Variants in SCTR observed in about 807,000 individuals in gnomAD.
SCTR encodes the protein secretin receptor, also known as pancreatic secretin receptor.
SCTR carries 56 observed loss-of-function variants against 60.8 expected under a neutral mutation model. That is an observed-to-expected ratio of 0.92 (90% CI 0.74 to 1.15). SCTR has a LOEUF of 1.15. Among genes scored for constraint, SCTR ranks in the 50% most tolerant of loss-of-function variants. The pLI, the probability that SCTR is intolerant of heterozygous loss-of-function variation, is 0.00. For missense variants in SCTR, 562 were observed against 550.4 expected (o/e 1.02, Z -0.21); for synonymous variants, 202 against 217.0 (o/e 0.93, Z 0.61).
intron 1 of SCTR, among the ~76,000 whole-genome samples, chr2:119,517,105 C>T (rs1456178671): frequency 6.6e-6 from 1 of 151,992 alleles, no homozygotes; most frequent in African/African-American, 2.4e-5. Context: ...TGTTAATTTG[C>T]TTGACTATAG....
At position 119,524,196 on chromosome 2, in the gene SCTR, G is replaced by A. The variant is rs1679378915; in HGVS notation, c.31C>T (p.Gln11Ter). The change falls in exon 1 of 13, where the codon CAG (glutamine) becomes TAG (stop). Residue 11 changes from glutamine (Q) to a stop codon, truncating the protein, a stop_gained. Coordinates refer to ENST00000019103, the MANE Select transcript of SCTR (RefSeq NM_002980.3). LOFTEE classifies it high-confidence loss of function. ...GCGAGCAGCACCGGCAGTAGTAGCTGCTGCAGCGGCGGCGACAGGTGGGGA... is the reference window on the plus strand; with the variant it reads ...GCGAGCAGCACCGGCAGTAGTAGCTACTGCAGCGGCGGCGACAGGTGGGGA... Reference protein sequence around the residue: MRPHLSPPLQQLLLPVLLACA... With the variant: MRPHLSPPLQ The A allele has an allele frequency of 6.6e-7, 1 of 1,522,050 alleles. No individual in the cohort carries two copies. Among genetic ancestry groups the A allele is most frequent in the Non-Finnish European group, 8.8e-7 (1 of 1,133,970 alleles). The allele number at this position is 1,522,050 out of a possible 1,614,324, so 94.3% of individuals were successfully genotyped here.
Position 119,461,527 on chromosome 2 carries a change from C to G in SCTR, c.790+320G>C, listed in dbSNP as rs180897063. Among the ~76,000 whole-genome samples the G allele has an allele frequency of 6.6e-5, 10 of 152,260 alleles. No individual in the cohort carries two copies. The East Asian group carries it at 1.5e-3, about 24-fold the overall frequency. On this transcript the variant is annotated intron_variant, in intron 7 of 12. Transcript: ENST00000019103. Reference sequence around the variant, plus strand: ...AGGAGTTCAAAACTAGTCTGACCAACAGGGCGAAACCCTGTCTCTACTAAA... The same window carrying G: ...AGGAGTTCAAAACTAGTCTGACCAAGAGGGCGAAACCCTGTCTCTACTAAA...
At chr2:119,511,011 C>T (rs560746186) in intron 1 of SCTR, among the ~76,000 whole-genome samples, 7 of 151,802 alleles carry the variant, frequency 4.6e-5, no homozygotes, top group South Asian at 2.1e-4. Flanking sequence ...TCCTGGCTAC[C>T]GCGGTGAAAC....
chr2:119,454,507 G>C (rs1319251159), intron 7 of SCTR, among the ~76,000 whole-genome samples: 1 of 152,046 alleles, frequency 6.6e-6, no homozygotes, highest in Non-Finnish European at 1.5e-5. Context: ...TACTGAGTTG[G>C]GCACTAAGTG....
chr2:119,521,097 C>T (rs1452629237), intron 1 of SCTR, among the ~76,000 whole-genome samples: 1 of 152,146 alleles, frequency 6.6e-6, no homozygotes, highest in Non-Finnish European at 1.5e-5. Context: ...TATCTGGCTC[C>T]AAATGTCAGT....
intron 7 of SCTR, among the ~76,000 whole-genome samples, chr2:119,457,736 A>G (rs1249288433): frequency 1.3e-5 from 2 of 152,146 alleles, no homozygotes; most frequent in Non-Finnish European, 2.9e-5. Flanking sequence ...ATAATTTTAT[A>G]TTCTTATCTT....
intron 11 of SCTR, among the ~76,000 whole-genome samples, chr2:119,445,593 C>G (rs1682895669): frequency 1.3e-5 from 2 of 152,140 alleles, no homozygotes; most frequent in African/African-American, 4.8e-5. Context: ...GCTCGCAGGC[C>G]GAGGCCACCC....
intron 4 of SCTR, among the ~76,000 whole-genome samples, chr2:119,469,311 A>AG (rs1436105645): frequency 1.6e-4 from 24 of 152,198 alleles, no homozygotes; most frequent in Admixed American, 1.2e-3. Context: ...CAGGGTGACA[A>AG]GGGGGGTGTC....
chr2:119,455,762 T>TC (rs560305435), intron 7 of SCTR, among the ~76,000 whole-genome samples: 1 of 152,062 alleles, frequency 6.6e-6, no homozygotes, highest in Non-Finnish European at 1.5e-5. Context: ...AAAGGGAGTT[T>TC]CAGAAAACAG....
intron 1 of SCTR, among the ~76,000 whole-genome samples, chr2:119,503,653 G>C (rs1424737917): frequency 6.6e-6 from 1 of 152,164 alleles, no homozygotes; most frequent in Non-Finnish European, 1.5e-5. Flanking sequence ...GGCTAAGTTG[G>C]AATGGAAGAA....
intron 8 of SCTR, among the ~76,000 whole-genome samples, chr2:119,452,658 G>A (rs866128986): frequency 1.1e-4 from 17 of 152,182 alleles, no homozygotes; most frequent in African/African-American, 3.9e-4. Flanking sequence ...CAATTATTTC[G>A]GGCTAAATTT....
intron 4 of SCTR, among the ~76,000 whole-genome samples, chr2:119,468,769 C>T (rs1321235899): frequency 6.6e-6 from 1 of 152,140 alleles, no homozygotes; most frequent in Admixed American, 6.5e-5. Flanking sequence ...TTAAGAGTCA[C>T]ATTAATAAAC....
intron 11 of SCTR, among the ~76,000 whole-genome samples, chr2:119,444,150 C>A (rs1682765007): frequency 7.0e-6 from 1 of 142,576 alleles, no homozygotes; most frequent in African/African-American, 2.7e-5. Context: ...TATACATATT[C>A]TTATATATAT....
At chr2:119,444,238 A>T (rs886216129) in intron 11 of SCTR, among the ~76,000 whole-genome samples, 71 of 144,172 alleles carry the variant, frequency 4.9e-4, no homozygotes, top group Non-Finnish European at 8.3e-4. Context: ...TATACATATG[A>T]ATATATACAC....
rs531695606 is a variant in SCTR at position 119,470,862 on chromosome 2, G to A, written c.405+2591C>T. Among the ~76,000 whole-genome samples the A allele has an allele frequency of 5.3e-5, 8 of 152,260 alleles. No individual in the cohort carries two copies. In the South Asian group the frequency reaches 1.5e-3, roughly 28 times the overall value. ...ATTACAGGCACACGTCACCATGCCCGGCTAATTTTTGTATTTTTAGTAGAG... is the reference window on the plus strand; with the variant it reads ...ATTACAGGCACACGTCACCATGCCCAGCTAATTTTTGTATTTTTAGTAGAG... On this transcript the variant is annotated intron_variant, in intron 4 of 12. Coordinates refer to ENST00000019103, the MANE Select transcript of SCTR (RefSeq NM_002980.3).
chr2:119,459,952 G>A (rs763576893), intron 7 of SCTR, among the ~76,000 whole-genome samples: 49 of 152,116 alleles, frequency 3.2e-4, no homozygotes, highest in Admixed American at 2.6e-3. Flanking sequence ...AGAGCCAGCT[G>A]CATAAGGCAA....
chr2:119,480,248 G>A (rs956331646), intron 2 of SCTR, among the ~76,000 whole-genome samples: 1 of 152,200 alleles, frequency 6.6e-6, no homozygotes, highest in Non-Finnish European at 1.5e-5. Context: ...AAGGAAAGAG[G>A]TTTAACGGAC....
chr2:119,477,749 C>G (rs1046233323), intron 3 of SCTR, among the ~76,000 whole-genome samples: 1 of 152,236 alleles, frequency 6.6e-6, no homozygotes, highest in Non-Finnish European at 1.5e-5. Flanking sequence ...CCGCACCCAG[C>G]CTGTTTTGGA....
chr2:119,510,796 A>G (rs897681275), intron 1 of SCTR, among the ~76,000 whole-genome samples: 2 of 152,064 alleles, frequency 1.3e-5, no homozygotes, highest in Non-Finnish European at 2.9e-5. Flanking sequence ...AGTACCAAAG[A>G]GTATAATGAC....
Sources: gnomAD v4.1 joint callset for allele counts (sites outside exome capture counted in the v4.1 genomes callset) on GRCh38, gnomAD v4.1.1 for gene constraint, MANE v1.5 for transcripts, NCBI Gene and HGNC (gene_info 2026-07-23, HGNC 2026-07-21) for gene names.